CTNND2: variants seen among roughly 807,000 people sequenced by gnomAD.
CTNND2 encodes catenin delta 2, also known as catenin delta-2.
Under a neutral mutation model 144.4 loss-of-function variants are expected in CTNND2, and 22 were observed. The observed-to-expected ratio is 0.15, with a 90% CI of 0.11 to 0.22. The LOEUF is 0.22. CTNND2 is among the 10% of genes least tolerant of loss of function. CTNND2 has a pLI of 1.00. For synonymous variants in CTNND2, 751 were observed against 695.6 expected, an observed-to-expected ratio of 1.08 and a Z score of -1.25; for missense variants, 1,353 against 1,618.8, an observed-to-expected ratio of 0.84 and a Z score of 2.82.
chr5:11,089,556 G>T (rs1015581644), intron 15 of CTNND2, among the ~76,000 whole-genome samples: 1 of 152,126 alleles, frequency 6.6e-6, no homozygotes, highest in African/African-American at 2.4e-5. Context: ...CTGTTTAATT[G>T]ATGAAAAAAG....
chr5:11,179,215 C>T (rs1760766978), intron 11 of CTNND2, among the ~76,000 whole-genome samples: 1 of 152,028 alleles, frequency 6.6e-6, no homozygotes, highest in African/African-American at 2.4e-5. Flanking sequence ...ATCGCTTGAA[C>T]CCAGGAGATG....
chr5:11,167,262 G>A (rs1759433171), intron 11 of CTNND2, among the ~76,000 whole-genome samples: 1 of 152,166 alleles, frequency 6.6e-6, no homozygotes, highest in South Asian at 2.1e-4. Flanking sequence ...TTCTACAGTT[G>A]CCACATAACG....
chr5:11,750,159 T>G (rs1388928924), intron 1 of CTNND2, among the ~76,000 whole-genome samples: 2 of 152,000 alleles, frequency 1.3e-5, no homozygotes, highest in Non-Finnish European at 2.9e-5. Context: ...CGCTGCTGAC[T>G]GACTTTCCAT....
At chr5:11,154,130 C>T (rs992471815) in intron 12 of CTNND2, among the ~76,000 whole-genome samples, 1 of 152,162 alleles carries the variant, frequency 6.6e-6, no homozygotes, top group South Asian at 2.1e-4. Context: ...CTGCTAGAGT[C>T]GACATCCTTA....
At position 11,743,232 on chromosome 5, in the gene CTNND2, A is replaced by G. The variant is rs61135999; in HGVS notation, c.38-10960T>C. ...CTAATATATGAACGATTAGAGTAAA[A>G]TCAATAATAATTGCTTATGAGAGCA... On this transcript the variant is annotated intron_variant, in intron 1 of 21. Coordinates refer to ENST00000304623, the MANE Select transcript of CTNND2 (RefSeq NM_001332.4). Among the ~76,000 whole-genome samples, 740 of 152,312 alleles carry G rather than the reference A, an allele frequency of 4.9e-3. 9 individuals carry two copies. The highest frequency in any genetic ancestry group is 0.017 in the African/African-American group (722 of 41,566).
intron 11 of CTNND2, among the ~76,000 whole-genome samples, chr5:11,199,190 C>T (rs2149827116): frequency 6.6e-6 from 1 of 152,318 alleles, no homozygotes; most frequent in African/African-American, 2.4e-5. Flanking sequence ...TCAACTACTA[C>T]TTCATCCACT....
At chr5:11,441,368 ATTTTTTTTTTTTTTTT>A (rs774610481) in intron 3 of CTNND2, among the ~76,000 whole-genome samples, 1 of 98,758 alleles carries the variant, frequency 1.0e-5, no homozygotes, top group East Asian at 3.1e-4. Context: ...CCAATGTGGG[ATTTTTTTTTTTTTTTT>A]TTTTTTTTTT....
intron 9 of CTNND2, among the ~76,000 whole-genome samples, chr5:11,310,420 T>G (rs901127735): frequency 6.6e-6 from 1 of 152,012 alleles, no homozygotes; most frequent in African/African-American, 2.4e-5. Context: ...TCACTTCTAT[T>G]TATAACTCTG....
intron 1 of CTNND2, among the ~76,000 whole-genome samples, chr5:11,780,426 T>G (rs1334441131): frequency 6.6e-6 from 1 of 152,140 alleles, no homozygotes; most frequent in African/African-American, 2.4e-5. Flanking sequence ...GTCATGACCT[T>G]AGAAAGACTG....
intron 1 of CTNND2, among the ~76,000 whole-genome samples, chr5:11,893,714 C>T (rs944851967): frequency 3.3e-5 from 5 of 152,140 alleles, no homozygotes; most frequent in African/African-American, 9.7e-5. Context: ...TCTCACACTC[C>T]GCTTCTGTCC....
At chr5:11,801,274 A>C (rs563311040) in intron 1 of CTNND2, among the ~76,000 whole-genome samples, 1 of 152,302 alleles carries the variant, frequency 6.6e-6, no homozygotes, top group Admixed American at 6.5e-5. Context: ...CAAATGTAAT[A>C]ATGAGCAAAC....
chr5:11,698,468 T>C (rs1785243706), intron 2 of CTNND2, among the ~76,000 whole-genome samples: 1 of 151,984 alleles, frequency 6.6e-6, no homozygotes, highest in Non-Finnish European at 1.5e-5. Context: ...TTTGTATTTT[T>C]AGTAGAGACA....
chr5:11,347,130 G>T (rs980882626), intron 8 of CTNND2, among the ~76,000 whole-genome samples: 4 of 152,190 alleles, frequency 2.6e-5, no homozygotes, highest in Admixed American at 2.6e-4. Flanking sequence ...TATGCATGGG[G>T]GTGGAGGTGA....
In CTNND2 at chr5:11,181,715, T is replaced by G. The variant is rs114178519; in HGVS notation, c.1975+17733A>C. ...GTGTGTGTGTGGTGTATGCGTGTGG[T>G]GTGTGTGTGTGTTATGTGTGGCATG... On this transcript the variant is annotated intron_variant, in intron 11 of 21. Transcript: ENST00000304623. Among the ~76,000 whole-genome samples, 1,106 of 145,148 alleles carry G rather than the reference T, an allele frequency of 7.6e-3. 13 individuals carry two copies. Among genetic ancestry groups the G allele is most frequent in the African/African-American group, 0.026 (1,025 of 38,724 alleles).
Position 11,548,807 on chromosome 5 carries a change from A to C in CTNND2, c.287+16137T>G, listed in dbSNP as rs149843199. On this transcript the variant is annotated intron_variant, in intron 3 of 21. Transcript: ENST00000304623. Reference sequence around the variant, plus strand: ...TTTGTAGTTGTCAATATTTCTTTAAATGTTTTAAATATTCTGTGGAGTTTA... The same window carrying C: ...TTTGTAGTTGTCAATATTTCTTTAACTGTTTTAAATATTCTGTGGAGTTTA... 1.3e-4 allele frequency among the ~76,000 whole-genome samples: 20 copies of C among 152,272 alleles called. 1 individual carries two copies. The East Asian group carries it at 3.9e-3, about 29-fold the overall frequency.
rs543458333 is a variant in CTNND2, at chr5:11,048,316, A to G, written c.2789-25337T>C. ...AGGTAGTTTCTAAGACTGAAGCATA[A>G]GCTATTCCCTGAGTGAGGGTAGCTG... On this transcript the variant is annotated intron_variant, in intron 16 of 21. Coordinates refer to ENST00000304623, the MANE Select transcript of CTNND2 (RefSeq NM_001332.4). Among the ~76,000 whole-genome samples the G allele has an allele frequency of 2.6e-5, 4 of 152,344 alleles. No individual in the cohort carries two copies. The East Asian group carries it at 7.7e-4, about 29-fold the overall frequency.
intron 12 of CTNND2, among the ~76,000 whole-genome samples, chr5:11,138,017 A>T (rs1336347874): frequency 3.9e-5 from 6 of 152,226 alleles, no homozygotes; most frequent in Non-Finnish European, 5.9e-5. Flanking sequence ...TGGAGGTGCT[A>T]GGGGAAAATC....
intron 12 of CTNND2, among the ~76,000 whole-genome samples, chr5:11,133,023 G>A (rs1462478390): frequency 6.6e-6 from 1 of 152,172 alleles, no homozygotes; most frequent in African/African-American, 2.4e-5. Flanking sequence ...GGTGAATACT[G>A]TATTAAAAAC....
At chr5:11,841,091 C>G (rs1203394762) in intron 1 of CTNND2, among the ~76,000 whole-genome samples, 2 of 151,974 alleles carry the variant, frequency 1.3e-5, no homozygotes, top group Non-Finnish European at 2.9e-5. Flanking sequence ...ATTAATTACC[C>G]AATTTTATAT....
Sources: gnomAD v4.1 joint callset for allele counts (sites outside exome capture counted in the v4.1 genomes callset) on GRCh38, gnomAD v4.1.1 for gene constraint, MANE v1.5 for transcripts, NCBI Gene and HGNC (gene_info 2026-07-23, HGNC 2026-07-21) for gene names.